Variants in LRRC37A2 observed in about 807,000 individuals in gnomAD.
LRRC37A2 encodes the protein leucine-rich repeat-containing protein 37A2.
LRRC37A2 carries 9 observed loss-of-function variants against 68.8 expected under a neutral mutation model. The ratio of observed to expected loss-of-function variants is 0.13; its 90% CI spans 0.08 to 0.23. The LOEUF is 0.23. LRRC37A2 is among the 10% of genes least tolerant of loss of function. The probability of loss-of-function intolerance (pLI) is 1.00; values close to 1 mark genes in which losing one functional copy is unlikely to be tolerated. For synonymous variants in LRRC37A2, 63 were observed against 367.6 expected (o/e 0.17, Z 9.48); for missense variants, 168 against 950.4 (o/e 0.18, Z 10.82).
the LRRC37A2 span, among the ~76,000 whole-genome samples, chr17:46,997,104 A>G: frequency 6.6e-6 from 1 of 152,208 alleles, no homozygotes; most frequent in African/African-American, 2.4e-5. Flanking sequence ...TAATCCTAGC[A>G]CTTTGGGAGG....
At chr17:46,747,686 G>A in the LRRC37A2 span, among the ~76,000 whole-genome samples, 1 of 152,160 alleles carries the variant, frequency 6.6e-6, no homozygotes, top group East Asian at 1.9e-4. Context: ...TAGTGTAAAG[G>A]TTGGAAGATA....
chr17:46,676,432 A>G, the LRRC37A2 span, among the ~76,000 whole-genome samples: 1 of 137,598 alleles, frequency 7.3e-6, no homozygotes, highest in African/African-American at 2.9e-5. Flanking sequence ...GAGTTTCTCC[A>G]TGTTGGTCAG....
the LRRC37A2 span, among the ~76,000 whole-genome samples, chr17:46,914,485 C>T: frequency 6.6e-6 from 1 of 151,646 alleles, no homozygotes; most frequent in Non-Finnish European, 1.5e-5. Flanking sequence ...CCTGTCTCTA[C>T]TAAAAATACA....
chr17:46,750,003 C>G, the LRRC37A2 span: 1 of 1,363,596 alleles, frequency 7.3e-7, no homozygotes, highest in East Asian at 2.3e-5. Flanking sequence ...GGTTTTTATG[C>G]TAATCTGGAA....
the LRRC37A2 span, among the ~76,000 whole-genome samples, chr17:46,697,236 A>G: frequency 8.2e-6 from 1 of 121,230 alleles, no homozygotes; most frequent in Admixed American, 9.3e-5. Context: ...TTTGAAACAG[A>G]GTCTTACTCT....
At chr17:46,940,476 C>G in the LRRC37A2 span, 1 of 1,612,434 alleles carries the variant, frequency 6.2e-7, no homozygotes, top group Non-Finnish European at 8.5e-7. Flanking sequence ...GCTGCGGTGC[C>G]AGGGACCTAG....
At chr17:46,602,752 C>A in the LRRC37A2 span, among the ~76,000 whole-genome samples, 2 of 147,508 alleles carry the variant, frequency 1.4e-5, no homozygotes, top group African/African-American at 5.1e-5. Context: ...ATTTAATTAT[C>A]CTGACTATTT....
the LRRC37A2 span, chr17:46,935,202 C>A: frequency 9.3e-6 from 15 of 1,612,852 alleles, no homozygotes; most frequent in African/African-American, 1.3e-5. Context: ...GAGAGAAGGC[C>A]TCTTGTTTTA....
At chr17:46,938,802 C>G in the LRRC37A2 span, 2 of 1,612,430 alleles carry the variant, frequency 1.2e-6, no homozygotes, top group Non-Finnish European at 1.7e-6. Flanking sequence ...CCACAGCCTG[C>G]AAGTGTGTGT....
the LRRC37A2 span, among the ~76,000 whole-genome samples, chr17:46,874,320 T>C: frequency 6.6e-6 from 1 of 152,226 alleles, no homozygotes; most frequent in African/African-American, 2.4e-5. Flanking sequence ...AGAACCATCA[T>C]GTGTCATAGG....
chr17:46,749,933 A>G, the LRRC37A2 span: 1 of 1,610,418 alleles, frequency 6.2e-7, no homozygotes, highest in Non-Finnish European at 8.5e-7. Context: ...TGGATTGCAC[A>G]CTGTTTATAA....
the LRRC37A2 span, among the ~76,000 whole-genome samples, chr17:46,421,019 G>A: frequency 6.5e-5 from 4 of 61,384 alleles, 1 homozygote; most frequent in African/African-American, 2.0e-4. Context: ...GGCTAGTCTC[G>A]AACTCATGAG....
At chr17:46,542,221 A>AT (rs1230987875) in intron 8 of LRRC37A2, among the ~76,000 whole-genome samples, 1 of 139,474 alleles carries the variant, frequency 7.2e-6, no homozygotes, top group Non-Finnish European at 1.5e-5. Flanking sequence ...ATGGCTTGTG[A>AT]TTTTTTGTTT....
chr17:46,949,663 G>T, the LRRC37A2 span, among the ~76,000 whole-genome samples: 1 of 152,194 alleles, frequency 6.6e-6, no homozygotes, highest in Admixed American at 6.5e-5. Flanking sequence ...CGTCACACAG[G>T]TACAAGGTGC....
the LRRC37A2 span, among the ~76,000 whole-genome samples, chr17:46,850,659 G>T: frequency 2.7e-4 from 41 of 152,278 alleles, no homozygotes; most frequent in Non-Finnish European, 4.4e-4. Flanking sequence ...GTCATTGGTT[G>T]TATGTCTCCT....
chr17:46,813,692 T>C, the LRRC37A2 span, among the ~76,000 whole-genome samples: 1,589 of 152,288 alleles, frequency 0.01, 13 homozygotes, highest in East Asian at 0.019. Flanking sequence ...TGCATCCTCC[T>C]CTGTGATAAG....
the LRRC37A2 span, among the ~76,000 whole-genome samples, chr17:46,950,749 T>C: frequency 5.3e-5 from 8 of 152,024 alleles, no homozygotes; most frequent in East Asian, 1.4e-3. Context: ...TCTTCTGTGG[T>C]GGGGTAGTTC....
At chr17:46,381,897 A>G in the LRRC37A2 span, among the ~76,000 whole-genome samples, 19 of 115,786 alleles carry the variant, frequency 1.6e-4, no homozygotes, top group Non-Finnish European at 1.8e-4. Context: ...TGACAAGTAC[A>G]GTGAATAACA....
chr17:47,020,714 A>G, the LRRC37A2 span, among the ~76,000 whole-genome samples: 9,914 of 137,976 alleles, frequency 0.072, 452 homozygotes, highest in Middle Eastern at 0.13. Flanking sequence ...CCTGGGAGGC[A>G]GAGCTTGCAG....
Sources: gnomAD v4.1 joint callset for allele counts (sites outside exome capture counted in the v4.1 genomes callset) on GRCh38, gnomAD v4.1.1 for gene constraint, MANE v1.5 for transcripts, NCBI Gene and HGNC (gene_info 2026-07-23, HGNC 2026-07-21) for gene names.